LDLRAP1: variants seen among roughly 807,000 people sequenced by gnomAD.
LDLRAP1 encodes the protein low density lipoprotein receptor adapter protein 1.
Under a neutral mutation model 37.8 loss-of-function variants are expected in LDLRAP1, and 30 were observed. The ratio of observed to expected loss-of-function variants is 0.79; its 90% CI spans 0.59 to 1.08. The LOEUF (loss-of-function observed/expected upper bound fraction) is 1.08. Among genes scored for constraint, LDLRAP1 ranks in the 50% least tolerant of loss-of-function variants. The pLI is 0.00. For missense variants in LDLRAP1, 375 were observed against 401.6 expected, an observed-to-expected ratio of 0.93 and a Z score of 0.57; for synonymous variants, 156 against 169.8, an observed-to-expected ratio of 0.92 and a Z score of 0.63.
chr1:25,585,428 T>C, the LDLRAP1 span, among the ~76,000 whole-genome samples: 45 of 151,942 alleles, frequency 3.0e-4, no homozygotes, highest in South Asian at 8.7e-3. Context: ...TGGGTTCACG[T>C]CATTCTCCTG....
At position 25,554,960 on chromosome 1, in the gene LDLRAP1, T is replaced by C. The variant is rs1431472138; in HGVS notation, c.332T>C (p.Val111Ala). 2 of 1,613,824 alleles carry C rather than the reference T, an allele frequency of 1.2e-6. No individual in the cohort carries two copies. The highest frequency in any genetic ancestry group is 2.2e-5 in the East Asian group (1 of 44,886). ...CTCACCAACCAGCTCATTGAGAACG[T>C]GTCCATATACAGGTACGCTCAGCAT... ...DNLTNQLIENVSIYRISYCTA... is the reference protein window; with the variant it reads ...DNLTNQLIENASIYRISYCTA... Residue 111 changes from valine to alanine, a missense_variant, in exon 3 of 9, where the codon GTG becomes GCG. By Grantham distance (64) the Val-to-Ala change is moderately conservative. Coordinates refer to ENST00000374338, the MANE Select transcript of LDLRAP1 (RefSeq NM_015627.3). The surrounding 1 kb of genome is among the most constrained non-coding windows in gnomAD (Gnocchi z 5.4).
chr1:25,578,904 A>G, the LDLRAP1 span, among the ~76,000 whole-genome samples: 2 of 152,204 alleles, frequency 1.3e-5, no homozygotes, highest in East Asian at 3.9e-4. Context: ...GGAGAGCTGT[A>G]CGTTGTCACA....
At chr1:25,571,341 C>T (rs936291710), downstream of LDLRAP1, among the ~76,000 whole-genome samples, 2 of 152,200 alleles carry the variant, frequency 1.3e-5, no homozygotes, top group African/African-American at 4.8e-5. Context: ...TGTCTCATTG[C>T]ATTGAGACCC....
In LDLRAP1 at chr1:25,544,079, G is replaced by C. The variant is rs912010120; in HGVS notation, c.88+293G>C. Reference sequence around the variant, plus strand: ...GGGTGGGGTGCAGGTTGGGAGAAGAGGCCCCCGCCACCCGCGGCACCTCCC... The same window carrying C: ...GGGTGGGGTGCAGGTTGGGAGAAGACGCCCCCGCCACCCGCGGCACCTCCC... On this transcript the variant is annotated intron_variant, in intron 1 of 8. Coordinates refer to ENST00000374338, the MANE Select transcript of LDLRAP1 (RefSeq NM_015627.3). This position sits in a 1 kb window ranked among gnomAD's most constrained non-coding sequence, Gnocchi z 4.8. 1.3e-5 allele frequency among the ~76,000 whole-genome samples: 2 copies of C among 152,122 alleles called. No homozygotes were observed. The highest frequency in any genetic ancestry group is 4.8e-5 in the African/African-American group (2 of 41,440).
At chr1:25,577,088 T>G in the LDLRAP1 span, among the ~76,000 whole-genome samples, 1 of 152,350 alleles carries the variant, frequency 6.6e-6, no homozygotes, top group East Asian at 1.9e-4. Context: ...GCAGAGACCC[T>G]GTGCCATCCC....
chr1:25,543,882 CG>C (rs1365454093), intron 1 of LDLRAP1, 96 bp downstream of exon 1: 2 of 759,344 alleles, frequency 2.6e-6, no homozygotes, highest in Admixed American at 4.7e-5. Flanking sequence ...TGGGCAGAGG[CG>C]GGGCCTCACC....
At chr1:25,578,717 A>G in the LDLRAP1 span, among the ~76,000 whole-genome samples, 9 of 152,068 alleles carry the variant, frequency 5.9e-5, no homozygotes, top group African/African-American at 2.2e-4. Context: ...AGGTTTCACC[A>G]TGTTGCCCAG....
chr1:25,573,081 G>T (rs905495401), downstream of LDLRAP1, among the ~76,000 whole-genome samples: 4 of 149,932 alleles, frequency 2.7e-5, no homozygotes, highest in Non-Finnish European at 5.9e-5. Context: ...CCAAACAGGG[G>T]CTGCTTTGCG....
Position 25,568,818 on chromosome 1 carries a change from G to C in LDLRAP1, c.*1826G>C, listed in dbSNP as rs1388132103. On this transcript the variant is annotated 3_prime_UTR_variant, in exon 9 of 9. Transcript: ENST00000374338. ...TCCTGTGTGTCTGCAGACAAGTCTTGCTGTGCTTTATTTGTGAAACTTTAA... is the reference window on the plus strand; with the variant it reads ...TCCTGTGTGTCTGCAGACAAGTCTTCCTGTGCTTTATTTGTGAAACTTTAA... The C allele has an allele frequency of 6.6e-6, 1 of 152,258 alleles. No individual in the cohort carries two copies. Among genetic ancestry groups the C allele is most frequent in the African/African-American group, 2.4e-5 (1 of 41,476 alleles). The allele number at this position is 152,258 out of a possible 1,614,324, so 9.4% of individuals were successfully genotyped here.
At chr1:25,586,965 G>A in the LDLRAP1 span, among the ~76,000 whole-genome samples, 1 of 152,134 alleles carries the variant, frequency 6.6e-6, no homozygotes, top group African/African-American at 2.4e-5. This position sits in a 1 kb window ranked among gnomAD's most constrained non-coding sequence, Gnocchi z 4.3. Context: ...TTCCAGGATG[G>A]ATCCTCAATC....
chr1:25,551,245 C>G (rs1361377377), intron 1 of LDLRAP1, among the ~76,000 whole-genome samples: 1 of 152,076 alleles, frequency 6.6e-6, no homozygotes, highest in Non-Finnish European at 1.5e-5. Context: ...AATTGGTGGC[C>G]TGGGTATCCT....
intron 4 of LDLRAP1, among the ~76,000 whole-genome samples, chr1:25,558,870 A>G (rs796331347): frequency 9.9e-5 from 15 of 152,178 alleles, no homozygotes; most frequent in African/African-American, 3.6e-4. Flanking sequence ...GATTCAGCCC[A>G]CCACAGGTGT....
At chr1:25,570,687 G>A (rs989847416), downstream of LDLRAP1, among the ~76,000 whole-genome samples, 5 of 151,934 alleles carry the variant, frequency 3.3e-5, no homozygotes, top group Admixed American at 2.0e-4. Flanking sequence ...GTGAAACCCC[G>A]TCTCTACTAA....
rs957721129 is a variant in LDLRAP1 at position 25,544,598 on chromosome 1, CT to C, written c.88+815del. Among the ~76,000 whole-genome samples the C allele has an allele frequency of 1.5e-4, 23 of 152,314 alleles. No individual in the cohort carries two copies. The highest frequency in any genetic ancestry group is 4.8e-4 in the African/African-American group (20 of 41,570). ...GGGAGGCTGGGAGGGGCCTCCCCCCCTTTCTCTCCCCCAGTCTCTGATTACG... is the reference window on the plus strand; with the variant it reads ...GGGAGGCTGGGAGGGGCCTCCCCCCCTTCTCTCCCCCAGTCTCTGATTACG... On this transcript the variant is annotated intron_variant, in intron 1 of 8. Coordinates refer to ENST00000374338, the MANE Select transcript of LDLRAP1 (RefSeq NM_015627.3). The surrounding 1 kb of genome is among the most constrained non-coding windows in gnomAD (Gnocchi z 4.8).
chr1:25,557,328 T>G lies in LDLRAP1; in HGVS notation c.459+61T>G, dbSNP rs1557703513. The G allele has an allele frequency of 7.5e-6, 10 of 1,336,004 alleles. No individual in the cohort carries two copies. The East Asian group carries it at 1.8e-4, about 25-fold the overall frequency. The allele number at this position is 1,336,004 out of a possible 1,614,324, so 82.8% of individuals were successfully genotyped here. A position where few individuals can be genotyped will look rare whatever the true frequency, so the allele number is the denominator to read the frequency against. The stretch of plus-strand genomic sequence containing the variant: ...GTGGCCTTGGCAGCCTTGCTCTGGG[T>G]GGGGGGCTGTCTGGTGTGGGAGGCA... On this transcript the variant is annotated intron_variant, in intron 4 of 8. Coordinates refer to ENST00000374338, the MANE Select transcript of LDLRAP1 (RefSeq NM_015627.3).
intron 8 of LDLRAP1, 27 bp downstream of exon 8, chr1:25,565,234 G>T: frequency 6.2e-7 from 1 of 1,613,740 alleles, no homozygotes. Context: ...GTGCTGGGTA[G>T]GGGGCCTGGT....
downstream of LDLRAP1, among the ~76,000 whole-genome samples, chr1:25,570,064 G>A (rs1280502244): frequency 6.6e-6 from 1 of 152,222 alleles, no homozygotes; most frequent in Non-Finnish European, 1.5e-5. Flanking sequence ...ACTTGGACAT[G>A]TATCTCTTTA....
chr1:25,548,737 G>T (rs2043999944), intron 1 of LDLRAP1, among the ~76,000 whole-genome samples: 1 of 152,168 alleles, frequency 6.6e-6, no homozygotes, highest in Non-Finnish European at 1.5e-5. Context: ...GCAGTGATAT[G>T]ATCATAGCTT....
At chr1:25,577,795 G>C in the LDLRAP1 span, among the ~76,000 whole-genome samples, 1 of 152,226 alleles carries the variant, frequency 6.6e-6, no homozygotes, top group Non-Finnish European at 1.5e-5. Flanking sequence ...CACCCTCGGA[G>C]CCTCATCTTC....
Sources: gnomAD v4.1 joint callset for allele counts (sites outside exome capture counted in the v4.1 genomes callset) on GRCh38, gnomAD v4.1.1 for gene constraint, Gnocchi (gnomAD v3.1) non-coding constraint, MANE v1.5 for transcripts, NCBI Gene and HGNC (gene_info 2026-07-23, HGNC 2026-07-21) for gene names.